ERC1: variants seen among roughly 807,000 people sequenced by gnomAD.
The protein encoded by ERC1 is ELKS/RAB6-interacting/CAST family member 1.
In ERC1, 56 loss-of-function variants were observed where a neutral mutation model predicts 132.0. That is an observed-to-expected ratio of 0.42 (90% confidence interval 0.34 to 0.53). ERC1 has a LOEUF of 0.53. ERC1 is among the 20% of genes least tolerant of loss of function. The pLI, the probability that ERC1 is intolerant of heterozygous loss-of-function variation, is 0.03. For missense variants in ERC1, 1,202 were observed against 1,349.9 expected (o/e 0.89, Z 1.72); for synonymous variants, 478 against 476.1 (o/e 1.00, Z -0.05).
chr12:1,065,011 C>G (rs181947060), intron 2 of ERC1, among the ~76,000 whole-genome samples: 4 of 146,178 alleles, frequency 2.7e-5, no homozygotes, highest in Admixed American at 1.4e-4. Context: ...TTTTCTTTTT[C>G]TTTTTTTGAG....
chr12:1,495,792 TACTG>T lies in ERC1; in HGVS notation c.*5565_*5568del, dbSNP rs1225732210. 4 of 218,806 alleles carry T rather than the reference TACTG, an allele frequency of 1.8e-5. No homozygotes were observed. Among genetic ancestry groups the T allele is most frequent in the African/African-American group, 4.5e-5 (2 of 44,496 alleles). 13.6% of individuals were successfully genotyped at this position (218,806 alleles called of 1,614,324 possible). On this transcript the variant is annotated 3_prime_UTR_variant, in exon 19 of 19. Coordinates refer to ENST00000360905, the MANE Select transcript of ERC1 (RefSeq NM_178040.4). ...GTGTGTGTTCCTGCTGGAGTTGTGT[TACTG>T]ACAGGATAATGACATTACAAAGAAA...
At chr12:1,256,829 G>T (rs1229024876) in intron 13 of ERC1, among the ~76,000 whole-genome samples, 1 of 150,596 alleles carries the variant, frequency 6.6e-6, no homozygotes, top group East Asian at 2.0e-4. Flanking sequence ...CATACCAACA[G>T]CTGTGTTTTT....
chr12:1,026,119 C>T (rs11834726), intron 1 of ERC1, among the ~76,000 whole-genome samples: 6,236 of 152,236 alleles, frequency 0.041, 215 homozygotes, highest in African/African-American at 0.092. Context: ...AATGGACTCT[C>T]AGTTCCACAT....
chr12:1,060,507 C>T (rs1973808839), intron 2 of ERC1, among the ~76,000 whole-genome samples: 1 of 152,074 alleles, frequency 6.6e-6, no homozygotes, highest in Non-Finnish European at 1.5e-5. Flanking sequence ...GACATGAACT[C>T]ATCATTTTTT....
At chr12:1,302,068 G>A (rs758992430) in intron 15 of ERC1, among the ~76,000 whole-genome samples, 1 of 152,164 alleles carries the variant, frequency 6.6e-6, no homozygotes, top group Non-Finnish European at 1.5e-5. Flanking sequence ...TTACACATCA[G>A]TGTCACTCAT....
chr12:1,391,080 T>C (rs1282217978), intron 16 of ERC1: 1 of 152,254 alleles, frequency 6.6e-6, no homozygotes. Flanking sequence ...ATAATTGTCT[T>C]TTATTCATTC....
rs111246857 is a variant in ERC1 at position 1,275,360 on chromosome 12, C to T, written c.2619+12195C>T. ...AAATTTAGCTGGGCGTGGTGGTGCA[C>T]GCCTGTAGTCCCAGCTACTCAGGAG... On this transcript the variant is annotated intron_variant, in intron 14 of 18. Coordinates refer to ENST00000360905, the MANE Select transcript of ERC1 (RefSeq NM_178040.4). Among the ~76,000 whole-genome samples, 95 of 152,022 alleles carry T rather than the reference C, an allele frequency of 6.2e-4. 1 individual carries two copies. The highest frequency in any genetic ancestry group is 2.2e-3 in the African/African-American group (91 of 41,460).
intron 15 of ERC1, among the ~76,000 whole-genome samples, chr12:1,347,207 A>G (rs570744528): frequency 2.0e-5 from 3 of 152,318 alleles, no homozygotes; most frequent in South Asian, 2.1e-4. Context: ...CTTATTAGTC[A>G]GTGTAAAATG....
At chr12:1,445,387 G>T (rs1288787171) in intron 18 of ERC1, among the ~76,000 whole-genome samples, 3 of 151,926 alleles carry the variant, frequency 2.0e-5, no homozygotes, top group African/African-American at 7.3e-5. Flanking sequence ...GTGCCAACAT[G>T]CCCGGCTAGT....
At chr12:1,318,240 G>A (rs994039391) in intron 15 of ERC1, among the ~76,000 whole-genome samples, 2 of 152,282 alleles carry the variant, frequency 1.3e-5, no homozygotes, top group African/African-American at 4.8e-5. Context: ...GCTGCATCAT[G>A]ATGTGACTTG....
At chr12:1,251,987 AT>A (rs1279155369) in intron 13 of ERC1, among the ~76,000 whole-genome samples, 2 of 151,938 alleles carry the variant, frequency 1.3e-5, no homozygotes, top group Non-Finnish European at 2.9e-5. Flanking sequence ...TTTTTCTTAA[AT>A]TTTATTTTTA....
At chr12:1,338,226 T>C (rs2083475274) in intron 15 of ERC1, among the ~76,000 whole-genome samples, 1 of 152,206 alleles carries the variant, frequency 6.6e-6, no homozygotes, top group African/African-American at 2.4e-5. Context: ...AGGTTTTGTT[T>C]ATTCCTTTAT....
rs75873857 is a variant in ERC1, at chr12:1,453,237, C to A, written c.3213+8487C>A. Among the ~76,000 whole-genome samples, 691 of 152,206 alleles carry A rather than the reference C, an allele frequency of 4.5e-3. 4 individuals carry two copies. Among genetic ancestry groups the A allele is most frequent in the African/African-American group, 0.016 (648 of 41,520 alleles). On this transcript the variant is annotated intron_variant, in intron 18 of 18. Transcript: ENST00000360905. ...GTCTAGACTGTCGGCTGATTTCCTACCCCTTCCCCAGTAGCAGCAGACTTC... is the reference window on the plus strand; with the variant it reads ...GTCTAGACTGTCGGCTGATTTCCTAACCCTTCCCCAGTAGCAGCAGACTTC...
chr12:1,004,027 A>G (rs1565757859), intron 1 of ERC1, among the ~76,000 whole-genome samples: 1 of 152,138 alleles, frequency 6.6e-6, no homozygotes, highest in African/African-American at 2.4e-5. Flanking sequence ...AAACTGTCTC[A>G]TGGCAGCTTC....
intron 2 of ERC1, among the ~76,000 whole-genome samples, chr12:1,047,029 T>A (rs1166019010): frequency 1.3e-5 from 2 of 152,228 alleles, no homozygotes. Flanking sequence ...AATTACTTCA[T>A]GATGCATGAA....
In ERC1 at chr12:1,100,546, T is replaced by G. The variant is rs534113259; in HGVS notation, c.1087-4204T>G. 7.2e-5 allele frequency among the ~76,000 whole-genome samples: 11 copies of G among 152,208 alleles called. No individual in the cohort carries two copies. The East Asian group carries it at 2.1e-3, about 29-fold the overall frequency. On this transcript the variant is annotated intron_variant, in intron 3 of 18. Coordinates refer to ENST00000360905, the MANE Select transcript of ERC1 (RefSeq NM_178040.4). ...ATGGTGGCTTAGAGCAGTGTGATGG[T>G]GGAGGTGGTAAGTTTCAGGATATAT...
intron 13 of ERC1, among the ~76,000 whole-genome samples, chr12:1,257,403 G>A (rs759297916): frequency 1.3e-5 from 2 of 152,176 alleles, no homozygotes; most frequent in African/African-American, 2.4e-5. Flanking sequence ...AAGTTTCGAA[G>A]TAACTCATTA....
At chr12:1,033,279 G>A (rs1427924453) in intron 2 of ERC1, among the ~76,000 whole-genome samples, 3 of 151,722 alleles carry the variant, frequency 2.0e-5, no homozygotes, top group African/African-American at 4.8e-5. Context: ...CTCATGATCC[G>A]CCCACCTCAG....
chr12:1,271,191 CTT>C (rs1284679151), intron 14 of ERC1, among the ~76,000 whole-genome samples: 2 of 152,146 alleles, frequency 1.3e-5, no homozygotes, highest in East Asian at 3.9e-4. Context: ...TGTATAAACT[CTT>C]TTAGGAGGTA....
Sources: gnomAD v4.1 joint callset for allele counts (sites outside exome capture counted in the v4.1 genomes callset) on GRCh38, gnomAD v4.1.1 for gene constraint, MANE v1.5 for transcripts, NCBI Gene and HGNC (gene_info 2026-07-23, HGNC 2026-07-21) for gene names.